The following ADAM22 variants were observed in gnomAD, a reference collection of about 807,000 sequenced individuals.
The protein encoded by ADAM22 is disintegrin and metalloproteinase domain-containing protein 22.
Under a neutral mutation model 144.6 loss-of-function variants are expected in ADAM22, and 65 were observed. The observed-to-expected ratio is 0.45, with a 90% CI of 0.37 to 0.55. ADAM22 has a LOEUF of 0.55. Among genes scored for constraint, ADAM22 ranks in the 20% least tolerant of loss-of-function variants. The pLI, the probability that ADAM22 is intolerant of heterozygous loss-of-function variation, is 0.00. For synonymous variants in ADAM22, 391 were observed against 412.6 expected (o/e 0.95, Z 0.63); for missense variants, 974 against 1,184.9 (o/e 0.82, Z 2.61).
rs1835550229 is a variant in ADAM22 at position 88,143,948 on chromosome 7, C to T, written c.1320+823C>T. On this transcript the variant is annotated intron_variant, in intron 15 of 31. Transcript: ENST00000413139. The stretch of plus-strand genomic sequence containing the variant: ...TATCACTGCTGCCATAAATACTAAA[C>T]AGTTCAAGTCTTTTTACCAAAATAA... Among the ~76,000 whole-genome samples the T allele has an allele frequency of 2.6e-5, 4 of 152,184 alleles. No individual in the cohort carries two copies. The South Asian group carries it at 6.2e-4, about 24-fold the overall frequency.
rs1827888914 is a variant in ADAM22, at chr7:88,116,874, C to T, written c.607+60C>T. On this transcript the variant is annotated intron_variant, in intron 7 of 31. Coordinates refer to ENST00000413139, the MANE Select transcript of ADAM22 (RefSeq NM_001324418.2). Reference sequence around the variant, plus strand: ...GACAACTTCAGTAATTTATTTAATGCCTTAGAACTAATCTATATTTGGAAT... The same window carrying T: ...GACAACTTCAGTAATTTATTTAATGTCTTAGAACTAATCTATATTTGGAAT... The T allele has an allele frequency of 4.4e-5, 54 of 1,232,166 alleles. 1 individual carries two copies. The South Asian group carries it at 6.7e-4, about 15-fold the overall frequency. 76.3% of individuals were successfully genotyped at this position (1,232,166 alleles called of 1,614,324 possible).
intron 7 of ADAM22, among the ~76,000 whole-genome samples, chr7:88,125,269 G>T (rs912827728): frequency 6.6e-6 from 1 of 151,846 alleles, no homozygotes; most frequent in Non-Finnish European, 1.5e-5. Flanking sequence ...GCCTCTAGAA[G>T]GTTAGTAATG....
chr7:87,999,159 T>G (rs1411773973), intron 3 of ADAM22, among the ~76,000 whole-genome samples: 2 of 152,212 alleles, frequency 1.3e-5, no homozygotes, highest in Non-Finnish European at 2.9e-5. Flanking sequence ...AGTATGTTAG[T>G]GTGCTCTCCA....
intron 3 of ADAM22, among the ~76,000 whole-genome samples, chr7:88,044,623 T>C (rs1051026682): frequency 2.0e-5 from 3 of 151,704 alleles, no homozygotes; most frequent in African/African-American, 7.3e-5. Context: ...ATTTTTTGTA[T>C]ATTTAGTAGA....
chr7:87,954,242 G>A (rs1310139439), intron 2 of ADAM22, among the ~76,000 whole-genome samples: 2 of 151,984 alleles, frequency 1.3e-5, no homozygotes, highest in South Asian at 2.1e-4. Context: ...TAGTCTCGAT[G>A]GTCTTTACAT....
At chr7:88,107,896 T>C (rs1381751772) in intron 4 of ADAM22, among the ~76,000 whole-genome samples, 2 of 152,130 alleles carry the variant, frequency 1.3e-5, no homozygotes, top group Non-Finnish European at 2.9e-5. Flanking sequence ...TGACTCCCCA[T>C]GTGTATTTCA....
chr7:88,044,387 G>A (rs993156690), intron 3 of ADAM22, among the ~76,000 whole-genome samples: 4 of 152,144 alleles, frequency 2.6e-5, no homozygotes, highest in Admixed American at 6.5e-5. Flanking sequence ...GGATGTATAC[G>A]TGGAATTTTC....
intron 30 of ADAM22, among the ~76,000 whole-genome samples, chr7:88,192,465 A>C (rs1355266133): frequency 2.6e-5 from 4 of 152,178 alleles, no homozygotes; most frequent in Non-Finnish European, 5.9e-5. Context: ...GCTTACATAG[A>C]AATGCTGATT....
At chr7:88,027,766 TG>T (rs1799335340) in intron 3 of ADAM22, among the ~76,000 whole-genome samples, 1 of 152,166 alleles carries the variant, frequency 6.6e-6, no homozygotes, top group African/African-American at 2.4e-5. Context: ...TTTCTAGTTG[TG>T]AAGATGCTTC....
intron 4 of ADAM22, among the ~76,000 whole-genome samples, chr7:88,096,492 CCA>C (rs1159862496): frequency 1.3e-5 from 2 of 150,786 alleles, no homozygotes; most frequent in South Asian, 4.2e-4. Flanking sequence ...TTGCTGTTGT[CCA>C]CACACACATA....
chr7:88,109,210 G>A (rs979402064), intron 5 of ADAM22, among the ~76,000 whole-genome samples: 9 of 152,040 alleles, frequency 5.9e-5, no homozygotes, highest in African/African-American at 9.7e-5. Context: ...AGGGTCTGTC[G>A]TTTCTCAGAG....
intron 19 of ADAM22, 68 bp downstream of exon 19, chr7:88,151,099 C>G: frequency 1.3e-6 from 2 of 1,551,384 alleles, no homozygotes; most frequent in Non-Finnish European, 1.8e-6. Flanking sequence ...GAAATCTTAT[C>G]AAAATAGGAA....
At chr7:88,054,897 A>C (rs537327916) in intron 3 of ADAM22, among the ~76,000 whole-genome samples, 1 of 152,248 alleles carries the variant, frequency 6.6e-6, no homozygotes, top group East Asian at 1.9e-4. Context: ...TAGACTTTTA[A>C]ATTTTAATGT....
chr7:88,019,618 C>A (rs774105500), intron 3 of ADAM22, among the ~76,000 whole-genome samples: 1 of 152,052 alleles, frequency 6.6e-6, no homozygotes, highest in Non-Finnish European at 1.5e-5. Flanking sequence ...GAGGCCAAGG[C>A]AGGTGGATCA....
At chr7:88,134,289 T>A in intron 12 of ADAM22, 40 bp from the exon 13 acceptor site, 1 of 1,464,988 alleles carries the variant, frequency 6.8e-7, no homozygotes. Flanking sequence ...CAGTGACAAT[T>A]TGGATTTACA....
In ADAM22 at chr7:88,175,092, A is replaced by G. The variant is rs1043218684; in HGVS notation, c.2300+3531A>G. 3.3e-5 allele frequency among the ~76,000 whole-genome samples: 5 copies of G among 152,194 alleles called. 1 individual carries two copies. In the South Asian group the frequency reaches 8.3e-4, roughly 25 times the overall value. On this transcript the variant is annotated intron_variant, in intron 26 of 31. Transcript: ENST00000413139. ...TTTTCCTCCAACATTTTAAGTATGC[A>G]TAAGAATTATTAAGATAAATATAAT...
At chr7:88,172,210 A>G (rs563705447) in intron 26 of ADAM22, among the ~76,000 whole-genome samples, 4 of 151,938 alleles carry the variant, frequency 2.6e-5, no homozygotes, top group Non-Finnish European at 5.9e-5. Flanking sequence ...TGTTTAACCA[A>G]CAGCTTAAAA....
chr7:87,940,181 CAAAAAAAAAAA>C (rs35309253), intron 2 of ADAM22, among the ~76,000 whole-genome samples: 8 of 76,016 alleles, frequency 1.1e-4, no homozygotes, highest in Middle Eastern at 7.4e-3. Flanking sequence ...GTCTTTATCT[CAAAAAAAAAAA>C]AAAAAAAAAA....
Position 88,039,373 on chromosome 7 carries a change from C to T in ADAM22, c.324-36253C>T, listed in dbSNP as rs910924474. Among the ~76,000 whole-genome samples the T allele has an allele frequency of 6.2e-5, 9 of 145,628 alleles. No individual in the cohort carries two copies. The South Asian group carries it at 6.7e-4, about 11-fold the overall frequency. On this transcript the variant is annotated intron_variant, in intron 3 of 31. Coordinates refer to ENST00000413139, the MANE Select transcript of ADAM22 (RefSeq NM_001324418.2). ...CAGGAGAATCACTTGAACCGGGAGG[C>T]GGCGGTTGCAGTGAGCCGAGATTGC...
Sources: gnomAD v4.1 joint callset for allele counts (sites outside exome capture counted in the v4.1 genomes callset) on GRCh38, gnomAD v4.1.1 for gene constraint, MANE v1.5 for transcripts, NCBI Gene and HGNC (gene_info 2026-07-23, HGNC 2026-07-21) for gene names.